The following CMKLR2 variants were observed in gnomAD, a reference collection of about 807,000 sequenced individuals.
CMKLR2 encodes chemerin-like receptor 2.
In CMKLR2, 18 loss-of-function variants were observed where a neutral mutation model predicts 23.0. The ratio of observed to expected loss-of-function variants is 0.78; its 90% CI spans 0.54 to 1.16. The LOEUF is 1.16. CMKLR2 is among the 50% of genes most tolerant of loss of function. The pLI, the probability that CMKLR2 is intolerant of heterozygous loss-of-function variation, is 0.00. For missense variants in CMKLR2, 401 were observed against 412.7 expected (o/e 0.97, Z 0.25); for synonymous variants, 158 against 158.9 (o/e 0.99, Z 0.05).
At chr2:206,194,823 G>A (rs181191431) in intron 1 of CMKLR2, among the ~76,000 whole-genome samples, 235 of 137,270 alleles carry the variant, frequency 1.7e-3, no homozygotes, top group Admixed American at 4.1e-3. Flanking sequence ...GCACAATCTC[G>A]GCTCACTGCA....
At position 206,197,690 on chromosome 2, in the gene CMKLR2, G is replaced by A. The variant is rs555292848; in HGVS notation, c.-29+15617C>T. Among the ~76,000 whole-genome samples the A allele has an allele frequency of 3.9e-5, 6 of 152,110 alleles. No homozygotes were observed. In the South Asian group the frequency reaches 1.2e-3, roughly 32 times the overall value. On this transcript the variant is annotated intron_variant, in intron 1 of 1. Transcript: ENST00000621141. ...TCAGCTTCATTTAAAAAATTTCATTGTAATTATAAAATTTTTTTTGTAGAG... is the reference window on the plus strand; with the variant it reads ...TCAGCTTCATTTAAAAAATTTCATTATAATTATAAAATTTTTTTTGTAGAG...
chr2:206,191,837 A>ATTTTTTT, intron 1 of CMKLR2, among the ~76,000 whole-genome samples: 1 of 119,248 alleles, frequency 8.4e-6, no homozygotes, highest in Non-Finnish European at 1.7e-5. Flanking sequence ...TGCCCAACTA[A>ATTTTTTT]TTTTTTTTTT....
At chr2:206,186,995 C>G (rs575953216) in intron 1 of CMKLR2, among the ~76,000 whole-genome samples, 4 of 152,128 alleles carry the variant, frequency 2.6e-5, no homozygotes, top group Admixed American at 2.6e-4. Context: ...CAAGACCACC[C>G]TGGGCAACAC....
intron 1 of CMKLR2, among the ~76,000 whole-genome samples, chr2:206,187,742 C>T (rs1280171347): frequency 6.6e-6 from 1 of 151,962 alleles, no homozygotes; most frequent in Admixed American, 6.6e-5. Context: ...CATGCACACA[C>T]ATATATACAT....
chr2:206,192,177 A>G (rs1339660397), intron 1 of CMKLR2, among the ~76,000 whole-genome samples: 1 of 150,978 alleles, frequency 6.6e-6, no homozygotes, highest in East Asian at 1.9e-4. Context: ...ATGGGGTTTT[A>G]CCATGTTGCC....
intron 1 of CMKLR2, among the ~76,000 whole-genome samples, chr2:206,181,700 C>A (rs556487295): frequency 3.9e-5 from 6 of 152,214 alleles, no homozygotes; most frequent in South Asian, 2.1e-4. Context: ...CGCCTATAAT[C>A]CCAGCACTTC....
intron 1 of CMKLR2, among the ~76,000 whole-genome samples, chr2:206,194,449 C>T (rs1462603499): frequency 1.4e-5 from 2 of 147,004 alleles, no homozygotes; most frequent in Non-Finnish European, 3.0e-5. Context: ...TTAAGACATT[C>T]GTTATGGGCT....
At chr2:206,209,797 C>T (rs1464160266) in intron 1 of CMKLR2, among the ~76,000 whole-genome samples, 1 of 150,690 alleles carries the variant, frequency 6.6e-6, no homozygotes, top group African/African-American at 2.4e-5. Flanking sequence ...TACAGGCGCC[C>T]GCCACGATGC....
chr2:206,194,889 G>A (rs978818625), intron 1 of CMKLR2, among the ~76,000 whole-genome samples: 1 of 151,808 alleles, frequency 6.6e-6, no homozygotes, highest in East Asian at 1.9e-4. Flanking sequence ...AAGTAGCTGG[G>A]ACTACAGGCA....
At chr2:206,206,785 T>A (rs1178556439) in intron 1 of CMKLR2, among the ~76,000 whole-genome samples, 2 of 152,182 alleles carry the variant, frequency 1.3e-5, no homozygotes, top group East Asian at 3.8e-4. Context: ...TAGGTTTTGA[T>A]AAAGGCATTC....
In CMKLR2 at chr2:206,179,849, A is replaced by C. The variant is rs558974022; in HGVS notation, c.-28-2574T>G. Among the ~76,000 whole-genome samples, 3 of 152,244 alleles carry C rather than the reference A, an allele frequency of 2.0e-5. No individual in the cohort carries two copies. In the South Asian group the frequency reaches 6.2e-4, roughly 32 times the overall value. On this transcript the variant is annotated intron_variant, in intron 1 of 1. Transcript: ENST00000621141. ...AATCATACATGAGGCAAGTATGTAA[A>C]ATTTTAGATTATAGTAGGGTTAGAA...
At chr2:206,188,702 C>T (rs1162286980) in intron 1 of CMKLR2, among the ~76,000 whole-genome samples, 3 of 152,160 alleles carry the variant, frequency 2.0e-5, no homozygotes, top group Non-Finnish European at 4.4e-5. Flanking sequence ...GGAGGACCCA[C>T]GTTATCACAT....
chr2:206,216,274 T>G (rs375373298), upstream of CMKLR2, among the ~76,000 whole-genome samples: 1 of 152,166 alleles, frequency 6.6e-6, no homozygotes, highest in East Asian at 1.9e-4. Context: ...ACCAATATGG[T>G]GAAACCCTGT....
chr2:206,212,313 A>T (rs1689599096), intron 1 of CMKLR2, among the ~76,000 whole-genome samples: 1 of 152,202 alleles, frequency 6.6e-6, no homozygotes, highest in Non-Finnish European at 1.5e-5. Context: ...TAGTGTCTGG[A>T]AGATGTACAA....
chr2:206,202,469 T>C (rs552645544), intron 1 of CMKLR2, among the ~76,000 whole-genome samples: 1 of 152,338 alleles, frequency 6.6e-6, no homozygotes, highest in African/African-American at 2.4e-5. Context: ...GTTTTTTCCC[T>C]TTGTTTTTAA....
chr2:206,217,472 A>C (rs1468448353), upstream of CMKLR2: 1 of 152,210 alleles, frequency 6.6e-6, no homozygotes, highest in African/African-American at 2.4e-5. Flanking sequence ...CTTCTAAATG[A>C]GGACGAAGCC....
At chr2:206,184,216 C>T (rs12694045) in intron 1 of CMKLR2, among the ~76,000 whole-genome samples, 56,805 of 151,720 alleles carry the variant, frequency 0.37, 10,915 homozygotes, top group African/African-American at 0.46. Flanking sequence ...ACACACCAGT[C>T]ATTTTGAATT....
chr2:206,195,627 A>C (rs1387130670), intron 1 of CMKLR2, among the ~76,000 whole-genome samples: 1 of 152,156 alleles, frequency 6.6e-6, no homozygotes, highest in Non-Finnish European at 1.5e-5. Flanking sequence ...ACAGATTAGG[A>C]AGCTGAAAAT....
At chr2:206,212,007 T>C (rs1195712209) in intron 1 of CMKLR2, among the ~76,000 whole-genome samples, 1 of 152,086 alleles carries the variant, frequency 6.6e-6, no homozygotes, top group African/African-American at 2.4e-5. Flanking sequence ...GTCAATTTCA[T>C]TTGCTGGTGC....
Sources: gnomAD v4.1 joint callset for allele counts (sites outside exome capture counted in the v4.1 genomes callset) on GRCh38, gnomAD v4.1.1 for gene constraint, MANE v1.5 for transcripts, NCBI Gene and HGNC (gene_info 2026-07-23, HGNC 2026-07-21) for gene names.